The following ITGB6 variants were observed in gnomAD, a reference collection of about 807,000 sequenced individuals.
The protein encoded by ITGB6 is integrin beta-6.
ITGB6 carries 80 observed loss-of-function variants against 84.5 expected under a neutral mutation model. The observed-to-expected ratio is 0.95, with a 90% CI of 0.79 to 1.14. The LOEUF (loss-of-function observed/expected upper bound fraction) is 1.14. Ranked by LOEUF, ITGB6 falls within the 50% of genes most tolerant of loss-of-function variation. The pLI is 0.00. For missense variants in ITGB6, 1,006 were observed against 968.0 expected (o/e 1.04, Z -0.52); for synonymous variants, 383 against 354.9 (o/e 1.08, Z -0.89).
At chr2:160,135,813 C>T (rs1683689851) in intron 10 of ITGB6, among the ~76,000 whole-genome samples, 1 of 152,146 alleles carries the variant, frequency 6.6e-6, no homozygotes, top group African/African-American at 2.4e-5. Context: ...AAAGGATTCC[C>T]TATTTAATAA....
chr2:160,190,844 C>G (rs1686113690), intron 4 of ITGB6, among the ~76,000 whole-genome samples: 1 of 152,160 alleles, frequency 6.6e-6, no homozygotes, highest in Non-Finnish European at 1.5e-5. Flanking sequence ...ACATTCCACA[C>G]TCATTGGTTC....
intron 6 of ITGB6, among the ~76,000 whole-genome samples, chr2:160,172,108 C>CA (rs1452720984): frequency 1.3e-5 from 2 of 152,078 alleles, no homozygotes; most frequent in Non-Finnish European, 2.9e-5. Flanking sequence ...TTATAAATGA[C>CA]AAAAAATAAG....
At chr2:160,145,954 T>C (rs1684170996) in intron 7 of ITGB6, among the ~76,000 whole-genome samples, 1 of 152,144 alleles carries the variant, frequency 6.6e-6, no homozygotes, top group South Asian at 2.1e-4. Context: ...ATTAACTGTA[T>C]CCTTGCTGGG....
At chr2:160,147,809 A>G (rs934352848) in intron 7 of ITGB6, among the ~76,000 whole-genome samples, 5 of 152,212 alleles carry the variant, frequency 3.3e-5, no homozygotes, top group African/African-American at 1.2e-4. Context: ...TACACCCTTC[A>G]CAAACATTAG....
intron 5 of ITGB6, 79 bp downstream of exon 5, chr2:160,173,895 C>A: frequency 8.0e-7 from 1 of 1,242,248 alleles, no homozygotes; most frequent in Non-Finnish European, 1.1e-6. Flanking sequence ...AGGAAATTAG[C>A]TAATCTTTTT....
At chr2:160,130,893 A>G (rs1683441690) in intron 10 of ITGB6, among the ~76,000 whole-genome samples, 1 of 152,214 alleles carries the variant, frequency 6.6e-6, no homozygotes, top group Non-Finnish European at 1.5e-5. Context: ...TACTTGGCAG[A>G]AATTTAGAAA....
intron 4 of ITGB6, among the ~76,000 whole-genome samples, chr2:160,190,209 TG>T (rs1490224228): frequency 1.1e-4 from 2 of 17,458 alleles, no homozygotes; most frequent in African/African-American, 4.8e-4. Context: ...TGTTGTGGGT[TG>T]GGGGGAGGGG....
Position 160,137,491 on chromosome 2 carries a change from G to C in ITGB6, c.1603C>G (p.Pro535Ala). 6.2e-7 allele frequency: 1 copy of C among 1,614,078 alleles called. No homozygotes were observed. Among genetic ancestry groups the C allele is most frequent in the Non-Finnish European group, 8.5e-7 (1 of 1,179,940 alleles). Residue 535 changes from proline to alanine, a missense_variant, in exon 10 of 15, where the codon CCT becomes GCT. By Grantham distance (27) the Pro-to-Ala change is conservative. Coordinates refer to ENST00000283249, the MANE Select transcript of ITGB6 (RefSeq NM_000888.5). ...HLSPYGNIYG[P>A]YCQCDNFSCV... ...GAGAAATTGTCACACTGGCAATAAG[G>C]CCCATAAATGTTTCCATAGGGAGAC...
At chr2:160,197,380 A>T (rs1297624255) in intron 2 of ITGB6, among the ~76,000 whole-genome samples, 1 of 152,188 alleles carries the variant, frequency 6.6e-6, no homozygotes, top group Non-Finnish European at 1.5e-5. Flanking sequence ...AGTCTTTCCC[A>T]GCAGAGATGT....
intron 4 of ITGB6, among the ~76,000 whole-genome samples, chr2:160,186,410 A>T (rs1057015127): frequency 6.6e-6 from 1 of 152,200 alleles, no homozygotes; most frequent in Non-Finnish European, 1.5e-5. Flanking sequence ...TCAAAACCAC[A>T]ATGAGATACC....
At chr2:160,176,551 C>G (rs1282613649) in intron 4 of ITGB6, among the ~76,000 whole-genome samples, 1 of 152,052 alleles carries the variant, frequency 6.6e-6, no homozygotes, top group Non-Finnish European at 1.5e-5. Context: ...AAGTGCTGAC[C>G]ACAGACTGTA....
At chr2:160,185,069 C>T (rs990125386) in intron 4 of ITGB6, among the ~76,000 whole-genome samples, 7 of 152,182 alleles carry the variant, frequency 4.6e-5, no homozygotes, top group Non-Finnish European at 8.8e-5. Context: ...AAAACCTGCA[C>T]AAGACAAGAA....
intron 12 of ITGB6, among the ~76,000 whole-genome samples, chr2:160,121,208 C>T (rs183314215): frequency 1.3e-5 from 2 of 152,208 alleles, no homozygotes; most frequent in Admixed American, 6.5e-5. Flanking sequence ...AACAATGTTT[C>T]CCAAGGAAAA....
intron 3 of ITGB6, 145 bp from the exon 4 acceptor site, chr2:160,195,760 C>T: frequency 1.1e-6 from 1 of 882,166 alleles, no homozygotes; most frequent in Non-Finnish European, 1.7e-6. Flanking sequence ...TGGTCAAGAT[C>T]CTAAAAGAAC....
At position 160,136,907 on chromosome 2, in the gene ITGB6, G is replaced by C. The variant is rs528272950; in HGVS notation, c.1660+527C>G. On this transcript the variant is annotated intron_variant, in intron 10 of 14. Transcript: ENST00000283249. The stretch of plus-strand genomic sequence containing the variant: ...CACACACTGGGGCCTGTTGTGGGGT[G>C]GGGGGAAGGGGGAGGGATAGCATTA... 3.3e-5 allele frequency among the ~76,000 whole-genome samples: 5 copies of C among 151,984 alleles called. No homozygotes were observed. The East Asian group carries it at 7.8e-4, about 24-fold the overall frequency.
chr2:160,143,895 C>T (rs1000729529), intron 7 of ITGB6, among the ~76,000 whole-genome samples: 2 of 152,090 alleles, frequency 1.3e-5, no homozygotes, highest in African/African-American at 4.8e-5. Context: ...AAGTGGGTCC[C>T]TGGGTGAGTC....
chr2:160,127,501 A>G (rs1683286792), intron 10 of ITGB6, among the ~76,000 whole-genome samples: 2 of 152,162 alleles, frequency 1.3e-5, no homozygotes, highest in African/African-American at 4.8e-5. Context: ...AACAGAACCA[A>G]TGTGCATCTT....
At chr2:160,167,195 A>T (rs1685026645) in intron 7 of ITGB6, among the ~76,000 whole-genome samples, 1 of 152,226 alleles carries the variant, frequency 6.6e-6, no homozygotes, top group African/African-American at 2.4e-5. Flanking sequence ...ACTCCTGCAC[A>T]TACAGGGCTC....
intron 7 of ITGB6, among the ~76,000 whole-genome samples, chr2:160,155,574 T>C (rs1684595156): frequency 6.6e-6 from 1 of 152,122 alleles, no homozygotes. Context: ...ATATGGGAAA[T>C]CTCTCTATAC....
Sources: allele counts gnomAD v4.1 joint callset (sites outside exome capture counted in the v4.1 genomes callset), GRCh38; gene constraint gnomAD v4.1.1; transcripts MANE v1.5; gene names NCBI Gene and HGNC (gene_info 2026-07-23, HGNC 2026-07-21).